The following HELT variants were observed in gnomAD, a reference collection of about 807,000 sequenced individuals.
HELT encodes hairy and enhancer of split-related protein HELT.
In HELT, 9 loss-of-function variants were observed where a neutral mutation model predicts 19.5. The ratio of observed to expected loss-of-function variants is 0.46; its 90% CI spans 0.28 to 0.80. HELT has a LOEUF of 0.80. Among genes scored for constraint, HELT ranks in the 30% least tolerant of loss-of-function variants. HELT has a pLI of 0.12. For synonymous variants in HELT, 162 were observed against 148.3 expected (o/e 1.09, Z -0.67); for missense variants, 366 against 326.3 (o/e 1.12, Z -0.94).
rs1357686899 is a variant in HELT, at chr4:185,018,520, C to T, written c.-409C>T. Among the ~76,000 whole-genome samples the T allele has an allele frequency of 1.3e-5, 2 of 152,148 alleles. No individual in the cohort carries two copies. Among genetic ancestry groups the T allele is most frequent in the Non-Finnish European group, 2.9e-5 (2 of 68,022 alleles). On this transcript the variant is annotated 5_prime_UTR_variant, in exon 1 of 4. Coordinates refer to ENST00000515777, the MANE Select transcript of HELT (RefSeq NM_001300781.2). ...CCCCTGCGCTCCGCGCCCGCGACTGCTGCAGGCGCTTGCTCGCCCGCCGGC... is the reference window on the plus strand; with the variant it reads ...CCCCTGCGCTCCGCGCCCGCGACTGTTGCAGGCGCTTGCTCGCCCGCCGGC...
intron 1 of HELT, 71 bp downstream of exon 1, chr4:185,019,026 T>C: frequency 6.2e-7 from 1 of 1,614,024 alleles, no homozygotes; most frequent in Non-Finnish European, 8.5e-7. Context: ...ACCCGCCACT[T>C]GGGTGGACCG....
At chr4:185,019,158 G>C (rs1733982614) in intron 1 of HELT, 3 of 1,514,876 alleles carry the variant, frequency 2.0e-6, no homozygotes. Context: ...GAGGCTGGCG[G>C]CCACCTCCCC....
intron 1 of HELT, 49 bp from the exon 2 acceptor site, chr4:185,019,338 A>C: frequency 6.7e-7 from 1 of 1,495,576 alleles, no homozygotes; most frequent in Non-Finnish European, 9.2e-7. Context: ...CGCGCCTTTG[A>C]CGACTTCCCG....
At chr4:185,019,324 G>A in intron 1 of HELT, 63 bp from the exon 2 acceptor site, 1 of 1,398,254 alleles carries the variant, frequency 7.2e-7, no homozygotes, top group Non-Finnish European at 9.9e-7. Context: ...CCAGCTGCTA[G>A]AGCCGCGCCT....
chr4:185,020,625 G>C lies in HELT; in HGVS notation c.582G>C (p.Ala194=). The C allele has an allele frequency of 6.2e-7, 1 of 1,601,996 alleles. No homozygotes were observed. Among genetic ancestry groups the C allele is most frequent in the Non-Finnish European group, 8.5e-7 (1 of 1,178,644 alleles). Residue 194 remains alanine, a synonymous_variant, in exon 4 of 4, where the codon GCG becomes GCC. Transcript: ENST00000515777. Reference sequence around the variant, plus strand: ...CCGCGCTGCCCTACCTGCCCAGCGCGCCAGTGCCGCTCGCTAGCCCAGCGC... The same window carrying C: ...CCGCGCTGCCCTACCTGCCCAGCGCCCCAGTGCCGCTCGCTAGCCCAGCGC... ...RSPALPYLPS[A]PVPLASPAQQ... is the part of the protein sequence containing the mutation.
chr4:185,020,264 T>G lies in HELT; in HGVS notation c.230-9T>G. On this transcript the variant is annotated splice_polypyrimidine_tract_variant and intron_variant, in intron 3 of 3. Coordinates refer to ENST00000515777, the MANE Select transcript of HELT (RefSeq NM_001300781.2). ...TGTGTCCGTCCTACGGGCTTTCTCG[T>G]TCCTCCAGCAGAACTTCTAGCGGAG... 6.2e-7 allele frequency: 1 copy of G among 1,610,172 alleles called. No homozygotes were observed. Among genetic ancestry groups the G allele is most frequent in the Non-Finnish European group, 8.5e-7 (1 of 1,177,100 alleles).
rs1734044657 is a variant in HELT, at chr4:185,020,530, G to A, written c.487G>A (p.Glu163Lys). 1 of 1,609,056 alleles carries A rather than the reference G, an allele frequency of 6.2e-7. No individual in the cohort carries two copies. Among genetic ancestry groups the A allele is most frequent in the Non-Finnish European group, 8.5e-7 (1 of 1,179,578 alleles). Residue 163 changes from glutamate (E) to lysine (K), a missense_variant, in exon 4 of 4, where the codon GAG becomes AAG. Physicochemically the swap from Glu to Lys is moderately conservative, Grantham distance 56. Transcript: ENST00000515777. ...GPEFAGHSPG[E>K]AAVFPQGSGA... Reference sequence around the variant, plus strand: ...CGAATTCGCTGGTCACAGCCCGGGCGAGGCCGCTGTGTTCCCGCAGGGCTC... The same window carrying A: ...CGAATTCGCTGGTCACAGCCCGGGCAAGGCCGCTGTGTTCCCGCAGGGCTC...
chr4:185,018,501 C>A lies in HELT; in HGVS notation c.-428C>A, dbSNP rs996264884. ...GGTGCCCGCGGCCGCTGCGCCCCTG[C>A]GCTCCGCGCCCGCGACTGCTGCAGG... On this transcript the variant is annotated 5_prime_UTR_variant, in exon 1 of 4. Coordinates refer to ENST00000515777, the MANE Select transcript of HELT (RefSeq NM_001300781.2). Among the ~76,000 whole-genome samples, 7 of 152,068 alleles carry A rather than the reference C, an allele frequency of 4.6e-5. No homozygotes were observed. Among genetic ancestry groups the A allele is most frequent in the African/African-American group, 1.2e-4 (5 of 41,414 alleles).
Position 185,018,825 on chromosome 4 carries a change from T to TGGGA in HELT, c.-101_-98dup. 1 of 1,204,498 alleles carries TGGGA rather than the reference T, an allele frequency of 8.3e-7. No homozygotes were observed. The highest frequency in any genetic ancestry group is 1.2e-6 in the Non-Finnish European group (1 of 860,696). The allele number at this position is 1,204,498 out of a possible 1,614,324, so 74.6% of individuals were successfully genotyped here. A position where few individuals can be genotyped will look rare whatever the true frequency, so the allele number is the denominator to read the frequency against. ...CGCTTTATAAGGCAGCCCTCGGAGT[T>TGGGA]GGGAGGCTGCAGTCTACCTGGGACA... On this transcript the variant is annotated 5_prime_UTR_variant, in exon 1 of 4. Coordinates refer to ENST00000515777, the MANE Select transcript of HELT (RefSeq NM_001300781.2).
intron 2 of HELT, 69 bp from the exon 3 acceptor site, chr4:185,019,678 C>G: frequency 6.2e-7 from 1 of 1,611,056 alleles, no homozygotes; most frequent in Non-Finnish European, 8.5e-7. Context: ...CTCGCTGGTC[C>G]TCTCCAGCGC....
rs530693017 is a variant in HELT at position 185,018,540 on chromosome 4, G to C, written c.-389G>C. 6.6e-6 allele frequency among the ~76,000 whole-genome samples: 1 copy of C among 152,066 alleles called. No homozygotes were observed. Among genetic ancestry groups the C allele is most frequent in the African/African-American group, 2.4e-5 (1 of 41,398 alleles). ...GACTGCTGCAGGCGCTTGCTCGCCCGCCGGCCCCAGTTTACCGCCTCCTTT... is the reference window on the plus strand; with the variant it reads ...GACTGCTGCAGGCGCTTGCTCGCCCCCCGGCCCCAGTTTACCGCCTCCTTT... On this transcript the variant is annotated 5_prime_UTR_variant, in exon 1 of 4. Transcript: ENST00000515777.
chr4:185,018,843 C>T lies in HELT; in HGVS notation c.-86C>T. ...TCGGAGTTGGGAGGCTGCAGTCTAC[C>T]TGGGACACTCGAGGAGGCACACGAG... is the stretch of plus-strand genomic sequence containing the variant. On this transcript the variant is annotated 5_prime_UTR_variant, in exon 1 of 4. Coordinates refer to ENST00000515777, the MANE Select transcript of HELT (RefSeq NM_001300781.2). 1.4e-6 allele frequency: 2 copies of T among 1,437,564 alleles called. No homozygotes were observed. Among genetic ancestry groups the T allele is most frequent in the Non-Finnish European group, 1.9e-6 (2 of 1,053,872 alleles). The allele number at this position is 1,437,564 out of a possible 1,614,324, so 89.1% of individuals were successfully genotyped here.
intron 2 of HELT, 100 bp from the exon 3 acceptor site, chr4:185,019,647 G>A (rs774140952): frequency 6.2e-7 from 1 of 1,607,184 alleles, no homozygotes; most frequent in Non-Finnish European, 8.5e-7. Flanking sequence ...AGGCTCTGGC[G>A]CAGATCCGCA....
At chr4:185,019,557 C>G (rs917861354) in intron 2 of HELT, 66 bp downstream of exon 2, 4 of 1,549,216 alleles carry the variant, frequency 2.6e-6, no homozygotes, top group Non-Finnish European at 3.5e-6. Flanking sequence ...TCTGCGGAGA[C>G]GCCCGAGCCC....
In HELT at chr4:185,020,419, G is replaced by A. The variant is rs1734038541; in HGVS notation, c.376G>A (p.Ala126Thr). Residue 126 changes from alanine (A) to threonine (T), a missense_variant, in exon 4 of 4, where the codon GCC becomes ACC. Physicochemically the swap from Ala to Thr is moderately conservative, Grantham distance 58 (BLOSUM62 0). Coordinates refer to ENST00000515777, the MANE Select transcript of HELT (RefSeq NM_001300781.2). ...CATCCTCGCCTTCTTGCAGTCCAAG[G>A]CCCGCCTGGGCGCGGAGCCCGCCTT... ...ARILAFLQSKARLGAEPAFPP... is the reference protein window; with the variant it reads ...ARILAFLQSKTRLGAEPAFPP... 1.2e-6 allele frequency: 2 copies of A among 1,614,160 alleles called. No homozygotes were observed. The highest frequency in any genetic ancestry group is 1.7e-6 in the Non-Finnish European group (2 of 1,180,052).
At chr4:185,019,200 C>T in intron 1 of HELT, 187 bp from the exon 2 acceptor site, 1 of 1,361,518 alleles carries the variant, frequency 7.3e-7, no homozygotes, top group Non-Finnish European at 9.9e-7. Flanking sequence ...GGAAGGGGAG[C>T]GCGCCAGCGC....
Position 185,020,506 on chromosome 4 carries a change from G to A in HELT, c.463G>A (p.Glu155Lys), listed in dbSNP as rs771492911. Residue 155 changes from glutamate to lysine, a missense_variant, in exon 4 of 4, where the codon GAA (glutamate) becomes AAA (lysine). Glu to Lys is a moderately conservative substitution (Grantham distance 56). Transcript: ENST00000515777. ...FSYQLHPAGP[E>K]FAGHSPGEAA... Reference sequence around the variant, plus strand: ...CTATCAGCTGCACCCTGCGGGGCCCGAATTCGCTGGTCACAGCCCGGGCGA... The same window carrying A: ...CTATCAGCTGCACCCTGCGGGGCCCAAATTCGCTGGTCACAGCCCGGGCGA... The A allele has an allele frequency of 3.7e-6, 6 of 1,611,838 alleles. No individual in the cohort carries two copies. The highest frequency in any genetic ancestry group is 1.7e-4 in the Middle Eastern group (1 of 5,866).
rs1196582900 is a variant in HELT at position 185,020,529 on chromosome 4, C to A, written c.486C>A (p.Gly162=). The change falls in exon 4 of 4, where the codon GGC becomes GGA. Residue 162 remains glycine (G), a synonymous_variant. Transcript: ENST00000515777. The part of the protein sequence containing the change: ...AGPEFAGHSP[G]EAAVFPQGSG... ...CCGAATTCGCTGGTCACAGCCCGGG[C>A]GAGGCCGCTGTGTTCCCGCAGGGCT... 1.2e-6 allele frequency: 2 copies of A among 1,609,172 alleles called. No individual in the cohort carries two copies. The highest frequency in any genetic ancestry group is 1.3e-5 in the African/African-American group (1 of 75,036).
chr4:185,020,453 T>G lies in HELT; in HGVS notation c.410T>G (p.Leu137Arg). The G allele has an allele frequency of 6.2e-7, 1 of 1,613,980 alleles. No homozygotes were observed. The highest frequency in any genetic ancestry group is 8.5e-7 in the Non-Finnish European group (1 of 1,180,022). ...RLGAEPAFPP[L>R]GSLPEPDFSY... is the part of the protein sequence containing the mutation. The stretch of plus-strand genomic sequence containing the variant: ...GGCGCGGAGCCCGCCTTTCCGCCGC[T>G]GGGTTCGCTCCCGGAGCCGGATTTC... Residue 137 changes from leucine (L) to arginine (R), a missense_variant, in exon 4 of 4, where the codon CTG becomes CGG. Transcript: ENST00000515777.
Sources: allele counts gnomAD v4.1 joint callset (sites outside exome capture counted in the v4.1 genomes callset), GRCh38; gene constraint gnomAD v4.1.1; transcripts MANE v1.5; gene names NCBI Gene and HGNC (gene_info 2026-07-23, HGNC 2026-07-21).